MCC: variants seen among roughly 807,000 people sequenced by gnomAD.
The protein encoded by MCC is colorectal mutant cancer protein.
Under a neutral mutation model 116.2 loss-of-function variants are expected in MCC, and 90 were observed. The ratio of observed to expected loss-of-function variants is 0.77; its 90% CI spans 0.65 to 0.92. The LOEUF is 0.92. Among genes scored for constraint, MCC ranks in the 40% least tolerant of loss-of-function variants. MCC has a pLI of 0.00. For synonymous variants in MCC, 578 were observed against 510.5 expected (o/e 1.13, Z -1.78); for missense variants, 1,516 against 1,312.2 (o/e 1.16, Z -2.40).
In MCC at chr5:113,434,369, G is replaced by A; in HGVS notation, c.171-49157C>T. 3 of 1,613,998 alleles carry A rather than the reference G, an allele frequency of 1.9e-6. No individual in the cohort carries two copies. The highest frequency in any genetic ancestry group is 1.7e-6 in the Non-Finnish European group (2 of 1,179,978). The stretch of plus-strand genomic sequence containing the variant: ...TGTCATCCCGCAGGCAGCGCTTGGA[G>A]AAGCTGAAGTCGGACAGCTTGATGT... On this transcript the variant is annotated intron_variant, in intron 1 of 18. Transcript: ENST00000408903. This position sits in a 1 kb window ranked among gnomAD's most constrained non-coding sequence, Gnocchi z 4.2.
rs1417358904 is a variant in MCC at position 113,023,229 on chromosome 5, CAT to C, written c.*4071_*4072del. The C allele has an allele frequency of 6.6e-6, 1 of 152,166 alleles. No individual in the cohort carries two copies. The highest frequency in any genetic ancestry group is 1.5e-5 in the Non-Finnish European group (1 of 68,030). The allele number at this position is 152,166 out of a possible 1,614,324, so 9.4% of individuals were successfully genotyped here. On this transcript the variant is annotated 3_prime_UTR_variant, in exon 19 of 19. Coordinates refer to ENST00000408903, the MANE Select transcript of MCC (RefSeq NM_001085377.2). ...CTTACTTTAACCTGACCTACATGAACATAAGATTTGTAGGATGTGGATAAACT... is the reference window on the plus strand; with the variant it reads ...CTTACTTTAACCTGACCTACATGAACAAGATTTGTAGGATGTGGATAAACT...
At chr5:113,458,690 C>T (rs558174143) in intron 1 of MCC, among the ~76,000 whole-genome samples, 156 of 152,284 alleles carry the variant, frequency 1.0e-3, no homozygotes, top group African/African-American at 3.6e-3. Context: ...GCTAGCATAA[C>T]AAGAGCACTG....
chr5:113,288,486 A>G (rs1766348759), intron 3 of MCC, among the ~76,000 whole-genome samples: 1 of 152,174 alleles, frequency 6.6e-6, no homozygotes, highest in Non-Finnish European at 1.5e-5. Context: ...GATCACAACT[A>G]TTCCTTATCG....
intron 3 of MCC, among the ~76,000 whole-genome samples, chr5:113,191,225 C>T (rs1762135022): frequency 6.6e-6 from 1 of 152,188 alleles, no homozygotes; most frequent in African/African-American, 2.4e-5. Context: ...GGCTGGTCTC[C>T]CCCATCTGCC....
intron 1 of MCC, among the ~76,000 whole-genome samples, chr5:113,474,977 A>C (rs1772199416): frequency 6.6e-6 from 1 of 152,218 alleles, no homozygotes; most frequent in African/African-American, 2.4e-5. Flanking sequence ...TCTCAGAAAG[A>C]AGTTCTGAAA....
At position 113,487,196 on chromosome 5, in the gene MCC, CT is replaced by C. The variant is rs1335934591; in HGVS notation, c.170+1048del. Among the ~76,000 whole-genome samples, 461 of 139,440 alleles carry C rather than the reference CT, an allele frequency of 3.3e-3. 2 individuals carry two copies. Among genetic ancestry groups the C allele is most frequent in the African/African-American group, 4.0e-3 (155 of 38,310 alleles). 91.5% of individuals were successfully genotyped at this position (139,440 alleles called of 152,430 possible). On this transcript the variant is annotated intron_variant, in intron 1 of 18. Transcript: ENST00000408903. Reference sequence around the variant, plus strand: ...AGGGAAAAATTCCGCACTTTGCTTTCTTTTTTTTTTTTTTAGGTAGGCAGGG... The same window carrying C: ...AGGGAAAAATTCCGCACTTTGCTTTCTTTTTTTTTTTTTAGGTAGGCAGGG...
At chr5:113,340,051 T>TA (rs1331984199) in intron 3 of MCC, among the ~76,000 whole-genome samples, 1 of 152,258 alleles carries the variant, frequency 6.6e-6, no homozygotes, top group Non-Finnish European at 1.5e-5. Flanking sequence ...AAATTACACA[T>TA]AATGGCCTTC....
intron 3 of MCC, among the ~76,000 whole-genome samples, chr5:113,300,841 A>G (rs1766844664): frequency 6.6e-6 from 1 of 152,180 alleles, no homozygotes; most frequent in Admixed American, 6.5e-5. Flanking sequence ...CATAACGGAC[A>G]TCATTTGCTC....
intron 5 of MCC, among the ~76,000 whole-genome samples, chr5:113,131,922 G>A (rs1581125839): frequency 6.6e-6 from 1 of 152,108 alleles, no homozygotes; most frequent in Admixed American, 6.6e-5. Flanking sequence ...TAGCTACTCA[G>A]TGACCAACCA....
chr5:113,403,093 A>G (rs927911036), intron 1 of MCC, among the ~76,000 whole-genome samples: 3 of 152,106 alleles, frequency 2.0e-5, no homozygotes, highest in Non-Finnish European at 4.4e-5. Context: ...ATTGGCAAGA[A>G]AAGACTAGTC....
chr5:113,402,416 A>G lies in MCC; in HGVS notation c.171-17204T>C, dbSNP rs1769719241. Among the ~76,000 whole-genome samples the G allele has an allele frequency of 1.3e-5, 2 of 151,828 alleles. 1 individual carries two copies. Among genetic ancestry groups the G allele is most frequent in the South Asian group, 4.2e-4 (2 of 4,756 alleles). On this transcript the variant is annotated intron_variant, in intron 1 of 18. Transcript: ENST00000408903. ...TCAAGTGATCCTCTCAGCCTCCCAAAGAGGTGGGAATACAGGTGTGAGCCA... is the reference window on the plus strand; with the variant it reads ...TCAAGTGATCCTCTCAGCCTCCCAAGGAGGTGGGAATACAGGTGTGAGCCA...
intron 3 of MCC, among the ~76,000 whole-genome samples, chr5:113,270,572 C>T (rs1037260438): frequency 1.3e-5 from 2 of 150,546 alleles, no homozygotes; most frequent in Non-Finnish European, 3.0e-5. Context: ...CCTTTGCACC[C>T]ACTGCATTCC....
intron 3 of MCC, among the ~76,000 whole-genome samples, chr5:113,227,431 A>G (rs1201488911): frequency 6.6e-6 from 1 of 152,196 alleles, no homozygotes; most frequent in Non-Finnish European, 1.5e-5. Flanking sequence ...TTCATTCCTG[A>G]AGTAGACCAT....
intron 3 of MCC, among the ~76,000 whole-genome samples, chr5:113,278,969 T>C (rs1765932882): frequency 6.6e-6 from 1 of 152,178 alleles, no homozygotes; most frequent in Non-Finnish European, 1.5e-5. Context: ...CATGTTAGAG[T>C]ATTTTTAAAA....
At chr5:113,480,797 G>T (rs796582579) in intron 1 of MCC, among the ~76,000 whole-genome samples, 6 of 152,190 alleles carry the variant, frequency 3.9e-5, no homozygotes, top group African/African-American at 1.4e-4. Context: ...TTTATTTTCA[G>T]ACAGTGTCTT....
intron 17 of MCC, among the ~76,000 whole-genome samples, chr5:113,034,582 C>T (rs192530721): frequency 6.6e-6 from 1 of 152,364 alleles, no homozygotes; most frequent in African/African-American, 2.4e-5. Context: ...GACCAAACCA[C>T]AGGGAGTCAC....
intron 3 of MCC, among the ~76,000 whole-genome samples, chr5:113,184,159 C>T (rs534831828): frequency 1.3e-5 from 2 of 152,256 alleles, no homozygotes; most frequent in African/African-American, 2.4e-5. Context: ...CTTATTAGCA[C>T]CATGCATTTG....
At chr5:113,222,434 G>A (rs1763586900) in intron 3 of MCC, among the ~76,000 whole-genome samples, 1 of 152,092 alleles carries the variant, frequency 6.6e-6, no homozygotes, top group South Asian at 2.1e-4. Context: ...GCCTCATAAA[G>A]TTCCTAAGTA....
At chr5:113,076,066 T>C (rs1754431926) in intron 11 of MCC, among the ~76,000 whole-genome samples, 2 of 152,166 alleles carry the variant, frequency 1.3e-5, no homozygotes, top group South Asian at 4.1e-4. Context: ...ACACACCATC[T>C]TTAAGAACTG....
Sources: gnomAD v4.1 joint callset for allele counts (sites outside exome capture counted in the v4.1 genomes callset) on GRCh38, gnomAD v4.1.1 for gene constraint, Gnocchi (gnomAD v3.1) non-coding constraint, MANE v1.5 for transcripts, NCBI Gene and HGNC (gene_info 2026-07-23, HGNC 2026-07-21) for gene names.